Variants in PRICKLE1 observed in about 807,000 individuals in gnomAD.
The protein encoded by PRICKLE1 is prickle planar cell polarity protein 1.
A neutral mutation model predicts 70.2 loss-of-function variants in PRICKLE1; 14 were observed. The observed-to-expected ratio is 0.20, with a 90% CI of 0.13 to 0.31. PRICKLE1 has a LOEUF of 0.31. PRICKLE1 is among the 10% of genes least tolerant of loss of function. The pLI, the probability that PRICKLE1 is intolerant of heterozygous loss-of-function variation, is 1.00. For synonymous variants in PRICKLE1, 357 were observed against 379.9 expected (o/e 0.94, Z 0.70); for missense variants, 821 against 1,026.2 (o/e 0.80, Z 2.73).
chr12:42,549,232 G>A (rs956900958), intron 1 of PRICKLE1, among the ~76,000 whole-genome samples: 2 of 151,516 alleles, frequency 1.3e-5, no homozygotes, highest in African/African-American at 2.4e-5. Context: ...CCCGCCCAGC[G>A]TTCCTCATTT....
intron 1 of PRICKLE1, among the ~76,000 whole-genome samples, chr12:42,541,011 G>A (rs1197083670): frequency 6.6e-6 from 1 of 151,886 alleles, no homozygotes; most frequent in African/African-American, 2.4e-5. Context: ...ATTTAAACAA[G>A]TATGTTAGCT....
chr12:42,487,897 T>C, intron 1 of PRICKLE1, among the ~76,000 whole-genome samples: 1 of 151,992 alleles, frequency 6.6e-6, no homozygotes, highest in East Asian at 1.9e-4. Context: ...AATACAAAAA[T>C]TAGCTGGGCA....
At chr12:42,586,580 G>A (rs1261092533) in intron 1 of PRICKLE1, among the ~76,000 whole-genome samples, 2 of 152,056 alleles carry the variant, frequency 1.3e-5, no homozygotes, top group Non-Finnish European at 2.9e-5. Flanking sequence ...GAAATTAACT[G>A]CAGTAAGTAG....
intron 1 of PRICKLE1, among the ~76,000 whole-genome samples, chr12:42,579,878 AT>A (rs960124566): frequency 6.8e-4 from 99 of 145,304 alleles, no homozygotes; most frequent in African/African-American, 1.5e-3. Flanking sequence ...AGTTTATATT[AT>A]TTTTTTTTTT....
intron 1 of PRICKLE1, among the ~76,000 whole-genome samples, chr12:42,474,551 T>C (rs1938450222): frequency 6.6e-6 from 1 of 152,212 alleles, no homozygotes; most frequent in African/African-American, 2.4e-5. Context: ...TTCACACAGG[T>C]GCGACTCATT....
intron 1 of PRICKLE1, among the ~76,000 whole-genome samples, chr12:42,546,559 G>T (rs2120628675): frequency 6.6e-6 from 1 of 152,216 alleles, no homozygotes; most frequent in East Asian, 1.9e-4. Flanking sequence ...TTTGAGATCA[G>T]CCTGGCCAAC....
intron 5 of PRICKLE1, among the ~76,000 whole-genome samples, chr12:42,466,703 A>G (rs1199807407): frequency 6.6e-6 from 1 of 152,212 alleles, no homozygotes; most frequent in Non-Finnish European, 1.5e-5. Flanking sequence ...TAATCTGGCA[A>G]AGAACACATT....
intron 1 of PRICKLE1, among the ~76,000 whole-genome samples, chr12:42,476,120 G>A (rs1938519775): frequency 6.7e-6 from 1 of 149,970 alleles, no homozygotes. Flanking sequence ...AAGTTATATG[G>A]CATGGCCTCC....
rs1937626455 is a variant in PRICKLE1, at chr12:42,457,132, G to A, written c.*2677C>T. On this transcript the variant is annotated 3_prime_UTR_variant, in exon 8 of 8. Transcript: ENST00000345127. ...GCAGAGGTTGCAGTGAACTGAGATT[G>A]TGCCGTTGCGCTCCAGCCTGGGCAA... The A allele has an allele frequency of 6.7e-6, 1 of 149,344 alleles. No individual in the cohort carries two copies. Among genetic ancestry groups the A allele is most frequent in the Non-Finnish European group, 1.5e-5 (1 of 67,744 alleles). The allele number at this position is 149,344 out of a possible 1,614,324, so 9.3% of individuals were successfully genotyped here.
intron 1 of PRICKLE1, among the ~76,000 whole-genome samples, chr12:42,563,930 A>G (rs945411144): frequency 1.3e-5 from 2 of 152,016 alleles, no homozygotes; most frequent in Non-Finnish European, 2.9e-5. Flanking sequence ...AATATCATCA[A>G]AAAAACTTAT....
rs778075325 is a variant in PRICKLE1 at position 42,460,533 on chromosome 12, C to G, written c.1772G>C (p.Ser591Thr). 10 of 1,614,144 alleles carry G rather than the reference C, an allele frequency of 6.2e-6. No individual in the cohort carries two copies. In the East Asian group the frequency reaches 1.8e-4, roughly 29 times the overall value. ...ACTTAGACTCTTTAAGGACTCTGCACTCCTGTGCAGCATGGAAGAGTTCAA... is the reference window on the plus strand; with the variant it reads ...ACTTAGACTCTTTAAGGACTCTGCAGTCCTGTGCAGCATGGAAGAGTTCAA... ...GTLNSSMLHR[S>T]AESLKSLSSE... Residue 591 changes from serine (S) to threonine (T), a missense_variant, in exon 8 of 8, where the codon AGT becomes ACT. Coordinates refer to ENST00000345127, the MANE Select transcript of PRICKLE1 (RefSeq NM_153026.3).
intron 1 of PRICKLE1, among the ~76,000 whole-genome samples, chr12:42,527,150 T>G (rs75371526): frequency 4.8e-4 from 48 of 99,160 alleles, no homozygotes; most frequent in African/African-American, 1.4e-3. Flanking sequence ...TTTTTTTTTT[T>G]GGGACGGAGT....
chr12:42,544,922 A>C (rs911544869), intron 1 of PRICKLE1, among the ~76,000 whole-genome samples: 3 of 151,612 alleles, frequency 2.0e-5, no homozygotes, highest in African/African-American at 7.3e-5. Context: ...TATGAGGATT[A>C]GCTGCTTTCC....
At chr12:42,530,554 T>C (rs980627667) in intron 1 of PRICKLE1, among the ~76,000 whole-genome samples, 1 of 152,142 alleles carries the variant, frequency 6.6e-6, no homozygotes, top group South Asian at 2.1e-4. Context: ...CAACATTTTT[T>C]CTATGAATCC....
At chr12:42,540,918 G>T (rs1450947950) in intron 1 of PRICKLE1, among the ~76,000 whole-genome samples, 1 of 152,016 alleles carries the variant, frequency 6.6e-6, no homozygotes, top group South Asian at 2.1e-4. Context: ...CTCTCACTTT[G>T]TGGTTGTATT....
rs933606988 is a variant in PRICKLE1, at chr12:42,459,601, G to A, written c.*208C>T. On this transcript the variant is annotated 3_prime_UTR_variant, in exon 8 of 8. Coordinates refer to ENST00000345127, the MANE Select transcript of PRICKLE1 (RefSeq NM_153026.3). Reference sequence around the variant, plus strand: ...GCACCGGACAGGCACGAGATGTCACGTCCACCTGGCACCATCCAAAGAGGG... The same window carrying A: ...GCACCGGACAGGCACGAGATGTCACATCCACCTGGCACCATCCAAAGAGGG... 6.0e-6 allele frequency: 4 copies of A among 671,580 alleles called. No individual in the cohort carries two copies. Among genetic ancestry groups the A allele is most frequent in the South Asian group, 1.8e-5 (1 of 54,446 alleles). The allele number at this position is 671,580 out of a possible 1,614,324, so 41.6% of individuals were successfully genotyped here.
At position 42,588,999 on chromosome 12, in the gene PRICKLE1, T is replaced by C. The variant is rs74362389; in HGVS notation, c.-49+466A>G. Among the ~76,000 whole-genome samples, 620 of 152,160 alleles carry C rather than the reference T, an allele frequency of 4.1e-3. 9 individuals are homozygous for C. The South Asian group carries it at 0.044, about 11-fold the overall frequency. ...GGAGAGTGGTGGGAGTTGATTCGCC[T>C]CTGCCAAAAAGCCACCAGCCCCTTT... On this transcript the variant is annotated intron_variant, in intron 1 of 7. Transcript: ENST00000345127.
intron 1 of PRICKLE1, among the ~76,000 whole-genome samples, chr12:42,561,981 G>A (rs768357819): frequency 6.8e-5 from 10 of 146,994 alleles, no homozygotes; most frequent in Admixed American, 3.5e-4. Context: ...GCACGATCTC[G>A]GCTCACTGAA....
chr12:42,515,803 T>C (rs1010766692), intron 1 of PRICKLE1, among the ~76,000 whole-genome samples: 1 of 152,196 alleles, frequency 6.6e-6, no homozygotes, highest in African/African-American at 2.4e-5. Flanking sequence ...TAAAAGGCTG[T>C]AGAACCTACC....
Sources: allele counts gnomAD v4.1 joint callset (sites outside exome capture counted in the v4.1 genomes callset), GRCh38; gene constraint gnomAD v4.1.1; transcripts MANE v1.5; gene names NCBI Gene and HGNC (gene_info 2026-07-23, HGNC 2026-07-21).